The following COG5 variants were observed in gnomAD, a reference collection of about 807,000 sequenced individuals.
COG5 encodes component of oligomeric golgi complex 5.
Under a neutral mutation model 110.4 loss-of-function variants are expected in COG5, and 86 were observed. The observed-to-expected ratio is 0.78, with a 90% CI of 0.65 to 0.93. COG5 has a LOEUF of 0.93. COG5 is among the 40% of genes least tolerant of loss of function. COG5 has a pLI of 0.00. For synonymous variants in COG5, 360 were observed against 334.6 expected, an observed-to-expected ratio of 1.08 and a Z score of -0.83; for missense variants, 1,077 against 987.0, an observed-to-expected ratio of 1.09 and a Z score of -1.22.
intron 12 of COG5, among the ~76,000 whole-genome samples, chr7:107,285,125 A>C (rs1234337083): frequency 6.6e-6 from 1 of 152,212 alleles, no homozygotes; most frequent in Non-Finnish European, 1.5e-5. Flanking sequence ...CACTTTGTAA[A>C]GTGCTGGGAA....
intron 10 of COG5, among the ~76,000 whole-genome samples, chr7:107,336,993 G>A (rs1309457196): frequency 6.6e-6 from 1 of 152,120 alleles, no homozygotes; most frequent in Non-Finnish European, 1.5e-5. Flanking sequence ...CAAAGGACTG[G>A]AATAGACATT....
chr7:107,323,539 CAAAACAAAAG>C (rs1809493187), intron 11 of COG5, among the ~76,000 whole-genome samples: 1 of 152,028 alleles, frequency 6.6e-6, no homozygotes, highest in South Asian at 2.1e-4. Flanking sequence ...TGGAAAAAAA[CAAAACAAAAG>C]AAAACGAAAC....
intron 11 of COG5, among the ~76,000 whole-genome samples, chr7:107,300,163 G>A (rs1042943275): frequency 5.3e-5 from 8 of 151,812 alleles, no homozygotes; most frequent in Non-Finnish European, 1.2e-4. Flanking sequence ...CAGTCAACTA[G>A]GAACAGAAAG....
intron 7 of COG5, among the ~76,000 whole-genome samples, chr7:107,382,687 C>T (rs190981390): frequency 0.011 from 1,627 of 152,232 alleles, 14 homozygotes; most frequent in Non-Finnish European, 0.018. Flanking sequence ...GATCCACCCG[C>T]CTCAGCCTCC....
At chr7:107,560,081 G>C (rs1470281683) in intron 1 of COG5, among the ~76,000 whole-genome samples, 1 of 152,206 alleles carries the variant, frequency 6.6e-6, no homozygotes. Flanking sequence ...ACAGCAATGT[G>C]CTGAAGTTGC....
intron 16 of COG5, 80 bp downstream of exon 16, chr7:107,256,652 A>C: frequency 1.2e-6 from 1 of 866,092 alleles, no homozygotes; most frequent in Admixed American, 1.9e-5. Flanking sequence ...ATTATTATAA[A>C]ATGTGACATT....
chr7:107,485,525 C>T (rs796258070), intron 6 of COG5, among the ~76,000 whole-genome samples: 2 of 152,290 alleles, frequency 1.3e-5, no homozygotes, highest in African/African-American at 4.8e-5. Context: ...GCTTCTCAAA[C>T]TACATAAATG....
chr7:107,533,560 A>G (rs1485432638), intron 5 of COG5, among the ~76,000 whole-genome samples: 3 of 151,674 alleles, frequency 2.0e-5, no homozygotes, highest in Admixed American at 6.6e-5. Context: ...GGAAGAAAGG[A>G]TATCAGAGAC....
At chr7:107,331,239 G>A (rs1810210951) in intron 10 of COG5, among the ~76,000 whole-genome samples, 1 of 152,096 alleles carries the variant, frequency 6.6e-6, no homozygotes, top group African/African-American at 2.4e-5. Flanking sequence ...ACTTTGGGAG[G>A]CCGAGATCAC....
intron 7 of COG5, among the ~76,000 whole-genome samples, chr7:107,412,154 A>T (rs1363082476): frequency 6.6e-6 from 1 of 152,152 alleles, no homozygotes; most frequent in Non-Finnish European, 1.5e-5. Flanking sequence ...ATAATTAACA[A>T]TAATACCAAT....
chr7:107,437,694 A>T (rs1794451912), intron 6 of COG5, among the ~76,000 whole-genome samples: 1 of 152,160 alleles, frequency 6.6e-6, no homozygotes, highest in South Asian at 2.1e-4. Context: ...ATTAATGTAC[A>T]TCTTAATATG....
At chr7:107,403,893 G>T (rs1218818687) in intron 7 of COG5, among the ~76,000 whole-genome samples, 1 of 149,390 alleles carries the variant, frequency 6.7e-6, no homozygotes, top group South Asian at 2.1e-4. Flanking sequence ...TTACAGTTAG[G>T]TGACTCTATT....
intron 1 of COG5, among the ~76,000 whole-genome samples, chr7:107,559,062 G>T (rs1382463338): frequency 6.6e-6 from 1 of 151,360 alleles, no homozygotes; most frequent in Non-Finnish European, 1.5e-5. Flanking sequence ...GATATCTCTA[G>T]ATCAATACAC....
chr7:107,358,148 C>T (rs987643170), intron 10 of COG5, among the ~76,000 whole-genome samples: 2 of 152,132 alleles, frequency 1.3e-5, no homozygotes, highest in Non-Finnish European at 2.9e-5. Context: ...CTTAGATTCT[C>T]CTGAGTACAG....
chr7:107,283,460 G>T, intron 13 of COG5, 111 bp downstream of exon 13: 1 of 882,932 alleles, frequency 1.1e-6, no homozygotes, highest in Non-Finnish European at 1.7e-6. Context: ...TTTAATTGTG[G>T]GCCTAATTAC....
rs895032925 is a variant in COG5, at chr7:107,354,209, T to C, written c.1026+7824A>G. On this transcript the variant is annotated intron_variant, in intron 10 of 21. Coordinates refer to ENST00000297135, the MANE Select transcript of COG5 (RefSeq NM_006348.5). The stretch of plus-strand genomic sequence containing the variant: ...AGAGGAAATCCTTGACATTAGTTTA[T>C]TTAAGGAAGCATGATCAATAATTTA... 2.0e-5 allele frequency among the ~76,000 whole-genome samples: 3 copies of C among 152,270 alleles called. No homozygotes were observed. The South Asian group carries it at 6.2e-4, about 32-fold the overall frequency.
At chr7:107,329,080 T>G (rs988267502) in intron 10 of COG5, among the ~76,000 whole-genome samples, 3 of 152,214 alleles carry the variant, frequency 2.0e-5, no homozygotes, top group Non-Finnish European at 2.9e-5. Context: ...ATCTACAGAC[T>G]TGTGTCCATA....
At chr7:107,352,335 G>A (rs1225508644) in intron 10 of COG5, among the ~76,000 whole-genome samples, 2 of 148,986 alleles carry the variant, frequency 1.3e-5, no homozygotes, top group Non-Finnish European at 3.0e-5. Context: ...AGCATTAGGA[G>A]ATATACCTAA....
chr7:107,385,805 C>CTTT (rs57758483), intron 7 of COG5, among the ~76,000 whole-genome samples: 100 of 122,308 alleles, frequency 8.2e-4, no homozygotes, highest in African/African-American at 2.8e-3. Flanking sequence ...TTGTTATTTT[C>CTTT]TTTTTTTTTT....
Sources: gnomAD v4.1 joint callset for allele counts (sites outside exome capture counted in the v4.1 genomes callset) on GRCh38, gnomAD v4.1.1 for gene constraint, MANE v1.5 for transcripts, NCBI Gene and HGNC (gene_info 2026-07-23, HGNC 2026-07-21) for gene names.